The following RPP30 variants were observed in gnomAD, a reference collection of about 807,000 sequenced individuals.
RPP30 encodes the protein ribonuclease P protein subunit p30.
In RPP30, 36 loss-of-function variants were observed where a neutral mutation model predicts 38.6. The observed-to-expected ratio is 0.93, with a 90% CI of 0.71 to 1.23. The LOEUF (loss-of-function observed/expected upper bound fraction) is 1.23. Ranked by LOEUF, RPP30 falls within the 50% of genes most tolerant of loss-of-function variation. The pLI, the probability that RPP30 is intolerant of heterozygous loss-of-function variation, is 0.00. For missense variants in RPP30, 321 were observed against 321.7 expected, an observed-to-expected ratio of 1.00 and a Z score of 0.02; for synonymous variants, 126 against 112.7, an observed-to-expected ratio of 1.12 and a Z score of -0.75.
downstream of RPP30, among the ~76,000 whole-genome samples, chr10:90,907,530 C>A (rs77532055): frequency 6.6e-6 from 1 of 152,152 alleles, no homozygotes; most frequent in Non-Finnish European, 1.5e-5. Context: ...ATACACTCTC[C>A]CAGATAGTTA....
chr10:90,899,652 T>C (rs1847179683), intron 10 of RPP30, among the ~76,000 whole-genome samples: 1 of 152,210 alleles, frequency 6.6e-6, no homozygotes, highest in Admixed American at 6.5e-5. Context: ...TTTACCTAGG[T>C]TCTTCTTATC....
chr10:90,883,733 GA>G (rs1267112751), intron 5 of RPP30, among the ~76,000 whole-genome samples: 4 of 152,188 alleles, frequency 2.6e-5, no homozygotes, highest in African/African-American at 9.6e-5. Flanking sequence ...ATTCTGGGGA[GA>G]ATGTTTAACA....
chr10:90,906,554 G>A (rs1847256566), downstream of RPP30, among the ~76,000 whole-genome samples: 1 of 152,188 alleles, frequency 6.6e-6, no homozygotes, highest in African/African-American at 2.4e-5. Flanking sequence ...AGGAGAGTGA[G>A]TTGATCAGCA....
At chr10:90,880,493 C>G (rs1404088785) in intron 5 of RPP30, among the ~76,000 whole-genome samples, 1 of 151,936 alleles carries the variant, frequency 6.6e-6, no homozygotes, top group African/African-American at 2.4e-5. Flanking sequence ...TTTGGGAGGC[C>G]GAGGCAGGTG....
intron 4 of RPP30, 128 bp downstream of exon 4, chr10:90,876,226 T>C: frequency 1.6e-6 from 1 of 613,322 alleles, no homozygotes; most frequent in Non-Finnish European, 2.9e-6. Context: ...GACACCTGCT[T>C]GCTCTCCTTG....
At chr10:90,897,352 A>AG (rs1847152189) in intron 10 of RPP30, among the ~76,000 whole-genome samples, 1 of 152,174 alleles carries the variant, frequency 6.6e-6, no homozygotes, top group Admixed American at 6.5e-5. Context: ...TAGGTTATTG[A>AG]GGGCTTGTGT....
intron 9 of RPP30, 126 bp from the exon 10 acceptor site, chr10:90,896,187 C>A: frequency 2.5e-6 from 2 of 796,246 alleles, no homozygotes; most frequent in South Asian, 3.3e-5. Flanking sequence ...TCCAGTTGGA[C>A]TAAGAACTGC....
chr10:90,873,353 A>G (rs879363723), intron 1 of RPP30, among the ~76,000 whole-genome samples: 6 of 152,232 alleles, frequency 3.9e-5, no homozygotes, highest in Non-Finnish European at 7.3e-5. Context: ...ATTAAATGGA[A>G]TTCATGGCAT....
Position 90,901,446 on chromosome 10 carries a change from C to G in RPP30, c.*767C>G, listed in dbSNP as rs962925180. On this transcript the variant is annotated 3_prime_UTR_variant, in exon 11 of 11. Coordinates refer to ENST00000371703, the MANE Select transcript of RPP30 (RefSeq NM_006413.5). ...ATCAGCATTTTTTTCTAAGAAATTG[C>G]TATAGAATTTGTGGAAGGAGAGAGG... 68 of 984,980 alleles carry G rather than the reference C, an allele frequency of 6.9e-5. No homozygotes were observed. Among genetic ancestry groups the G allele is most frequent in the Non-Finnish European group, 7.6e-5 (63 of 829,726 alleles). The allele number at this position is 984,980 out of a possible 1,614,324, so 61.0% of individuals were successfully genotyped here.
chr10:90,905,182 T>A (rs7082814), downstream of RPP30: 26,521 of 152,016 alleles, frequency 0.17, 2,396 homozygotes, highest in African/African-American at 0.23. Context: ...TTTTTTTTTT[T>A]AAATACCCAA....
In RPP30 at chr10:90,908,458, A is replaced by G. The variant is rs141639075; in HGVS notation, n.529A>G. 1.0e-3 allele frequency: 154 copies of G among 152,262 alleles called. 1 individual carries two copies. The highest frequency in any genetic ancestry group is 3.4e-3 in the Middle Eastern group (1 of 294). 9.4% of individuals were successfully genotyped at this position (152,262 alleles called of 1,614,324 possible). A position where few individuals can be genotyped will look rare whatever the true frequency, so the allele number is the denominator to read the frequency against. The stretch of plus-strand genomic sequence containing the variant: ...TGGCACCTCTGTAACCAGCAAGTCT[A>G]TTGGTGCCATTTTTTCAACATCATG... On this transcript the variant is annotated non_coding_transcript_exon_variant, in exon 5 of 5. Coordinates refer to the RPP30 transcript ENST00000470933.
downstream of RPP30, among the ~76,000 whole-genome samples, chr10:90,904,117 G>C (rs915457195): frequency 6.6e-6 from 1 of 152,150 alleles, no homozygotes; most frequent in Non-Finnish European, 1.5e-5. Flanking sequence ...TAATGGGAGG[G>C]ACTTACAATG....
downstream of RPP30, among the ~76,000 whole-genome samples, chr10:90,905,122 A>G (rs112384435): frequency 0.011 from 1,639 of 152,312 alleles, 32 homozygotes; most frequent in African/African-American, 0.037. Context: ...AGGAAAGTAC[A>G]TTTACAATAC....
At chr10:90,886,934 ATG>A (rs1246687506) in intron 6 of RPP30, among the ~76,000 whole-genome samples, 21 of 152,278 alleles carry the variant, frequency 1.4e-4, no homozygotes, top group African/African-American at 5.1e-4. Flanking sequence ...GAAAATTAGT[ATG>A]TGAAAATTCA....
intron 5 of RPP30, among the ~76,000 whole-genome samples, 172 bp downstream of exon 5, chr10:90,879,306 TTTTTG>T (rs1257820380): frequency 6.6e-6 from 1 of 152,188 alleles, no homozygotes; most frequent in Non-Finnish European, 1.5e-5. Context: ...ATTTGTGGTT[TTTTTG>T]TTTTGTTTTG....
At chr10:90,889,377 TC>T (rs1289244899) in intron 6 of RPP30, among the ~76,000 whole-genome samples, 1 of 147,518 alleles carries the variant, frequency 6.8e-6, no homozygotes, top group African/African-American at 2.5e-5. Flanking sequence ...TGGTGTGATC[TC>T]GGCTCACTGC....
chr10:90,879,764 G>T (rs1034073670), intron 5 of RPP30, among the ~76,000 whole-genome samples: 2 of 152,140 alleles, frequency 1.3e-5, no homozygotes, highest in African/African-American at 4.8e-5. Flanking sequence ...ATGCTTGTTT[G>T]TCACCTTGAG....
chr10:90,899,679 T>C (rs1302155000), intron 10 of RPP30, among the ~76,000 whole-genome samples: 3 of 152,234 alleles, frequency 2.0e-5, no homozygotes, highest in Admixed American at 6.5e-5. Flanking sequence ...TCCATGCCTT[T>C]GTAAAGGAAT....
chr10:90,879,255 C>T, intron 5 of RPP30, 121 bp downstream of exon 5: 1 of 725,636 alleles, frequency 1.4e-6, no homozygotes, highest in East Asian at 2.7e-5. Context: ...GTTATTTATA[C>T]TTGGAGTTTC....
Sources: gnomAD v4.1 joint callset for allele counts (sites outside exome capture counted in the v4.1 genomes callset) on GRCh38, gnomAD v4.1.1 for gene constraint, MANE v1.5 for transcripts, NCBI Gene and HGNC (gene_info 2026-07-23, HGNC 2026-07-21) for gene names.